TJAP1: variants seen among roughly 807,000 people sequenced by gnomAD.
The protein encoded by TJAP1 is tight junction associated protein 1, also known as tight junction-associated protein 1.
TJAP1 carries 27 observed loss-of-function variants against 42.0 expected under a neutral mutation model. The ratio of observed to expected loss-of-function variants is 0.64; its 90% confidence interval spans 0.47 to 0.89. The LOEUF is 0.89. TJAP1 is among the 40% of genes least tolerant of loss of function. TJAP1 has a pLI of 0.00. For synonymous variants in TJAP1, 257 were observed against 288.4 expected, an observed-to-expected ratio of 0.89 and a Z score of 1.10; for missense variants, 712 against 726.9, an observed-to-expected ratio of 0.98 and a Z score of 0.24.
Position 43,495,099 on chromosome 6 carries a change from TTGGGAA to T in TJAP1, c.-121-2781_-121-2776del, listed in dbSNP as rs1417943264. Among the ~76,000 whole-genome samples, 1 of 152,214 alleles carries T rather than the reference TTGGGAA, an allele frequency of 6.6e-6. No homozygotes were observed. Among genetic ancestry groups the T allele is most frequent in the African/African-American group, 2.4e-5 (1 of 41,452 alleles). On this transcript the variant is annotated intron_variant, in intron 2 of 10. Transcript: ENST00000372449. The surrounding 1 kb of genome is among the most constrained non-coding windows in gnomAD (Gnocchi z 4.6). ...TTGGGCTGAAACACTCCAAGGCAACTTGGGAAACCTTTGGGTGAAGGAGATGTGGCC... is the reference window on the plus strand; with the variant it reads ...TTGGGCTGAAACACTCCAAGGCAACTACCTTTGGGTGAAGGAGATGTGGCC...
At position 43,501,927 on chromosome 6, in the gene TJAP1, ACTCTCTCTCTCTCT is replaced by A. The variant is rs201624955; in HGVS notation, c.290+256_290+269del. On this transcript the variant is annotated intron_variant, in intron 6 of 10. Transcript: ENST00000372449. ...CACACACACACACACACACACACACACTCTCTCTCTCTCTCTCTCTCTCTCTCTCCTTTCATAGG... is the reference window on the plus strand; with the variant it reads ...CACACACACACACACACACACACACACTCTCTCTCTCTCTCCTTTCATAGG... Among the ~76,000 whole-genome samples the A allele has an allele frequency of 6.7e-3, 483 of 71,606 alleles. 15 individuals carry two copies. In the East Asian group the frequency reaches 0.13, roughly 20 times the overall value. 47.0% of individuals were successfully genotyped at this position (71,606 alleles called of 152,430 possible). A position where few individuals can be genotyped will look rare whatever the true frequency, so the allele number is the denominator to read the frequency against.
At chr6:43,501,812 G>A in intron 6 of TJAP1, 125 bp downstream of exon 6, 1 of 593,904 alleles carries the variant, frequency 1.7e-6, no homozygotes, top group Non-Finnish European at 3.1e-6. Context: ...TTCATAGGAG[G>A]TTAGCTGGAA....
chr6:43,488,996 G>A (rs77114091), intron 2 of TJAP1, among the ~76,000 whole-genome samples: 1 of 152,158 alleles, frequency 6.6e-6, no homozygotes, highest in Non-Finnish European at 1.5e-5. Flanking sequence ...TCATCAGAGA[G>A]CCTGCAGGGC....
intron 2 of TJAP1, among the ~76,000 whole-genome samples, chr6:43,482,123 G>A (rs146041554): frequency 1.3e-5 from 2 of 152,268 alleles, no homozygotes; most frequent in East Asian, 1.9e-4. Context: ...CTTGCATTGC[G>A]TGGCAGTCAG....
At chr6:43,502,871 G>A (rs1478983205) in intron 8 of TJAP1, 1 of 578,196 alleles carries the variant, frequency 1.7e-6, no homozygotes, top group Non-Finnish European at 3.1e-6. Context: ...CTTGGCTCCA[G>A]TGGCAGCAAG....
chr6:43,498,892 G>A (rs1455043889), intron 3 of TJAP1, 86 bp from the exon 4 acceptor site: 1 of 1,435,230 alleles, frequency 7.0e-7, no homozygotes, highest in East Asian at 2.5e-5. Context: ...CTCAACATAT[G>A]TCCCCTTTCA....
intron 5 of TJAP1, 97 bp downstream of exon 5, chr6:43,500,869 G>T (rs532752790): frequency 3.4e-6 from 5 of 1,462,960 alleles, no homozygotes; most frequent in Non-Finnish European, 4.8e-6. Flanking sequence ...CCTTGGATTA[G>T]GTAGAAATAA....
chr6:43,501,396 C>G (rs143255912), intron 5 of TJAP1, 130 bp from the exon 6 acceptor site: 1 of 798,094 alleles, frequency 1.3e-6, no homozygotes, highest in South Asian at 1.7e-5. Context: ...GACTAAGACT[C>G]CAGGAGTTTC....
intron 4 of TJAP1, among the ~76,000 whole-genome samples, chr6:43,500,352 T>C (rs1790245617): frequency 6.6e-6 from 1 of 152,148 alleles, no homozygotes; most frequent in African/African-American, 2.4e-5. Context: ...TCAGAACTCG[T>C]GTGTATAGTT....
rs141586370 is a variant in TJAP1 at position 43,505,531 on chromosome 6, C to T, written c.1350C>T (p.Pro450=). Residue 450 remains proline, a synonymous_variant, in exon 11 of 11, where the codon CCC becomes CCT. Coordinates refer to ENST00000372449, the Ensembl canonical transcript of TJAP1. This position sits in a 1 kb window ranked among gnomAD's most constrained non-coding sequence, Gnocchi z 5.5. ...TGCAGCGCCATTTTGCCCATAGCCC[C>T]GCTGACAGAGATGAGGTGGTCCAGG... 488 of 1,613,932 alleles carry T rather than the reference C, an allele frequency of 3.0e-4. 2 individuals carry two copies. The East Asian group carries it at 9.5e-3, about 31-fold the overall frequency.
In TJAP1 at chr6:43,505,058, T is replaced by A. The variant is rs1181001989; in HGVS notation, c.877T>A (p.Ser293Thr). 3 of 1,613,882 alleles carry A rather than the reference T, an allele frequency of 1.9e-6. No homozygotes were observed. Among genetic ancestry groups the A allele is most frequent in the African/African-American group, 1.3e-5 (1 of 74,870 alleles). The change falls in exon 11 of 11, where the codon TCT (serine) becomes ACT (threonine). Residue 293 changes from serine (S) to threonine (T), a missense_variant. By Grantham distance (58) the Ser-to-Thr change is moderately conservative. Coordinates refer to ENST00000372449, the Ensembl canonical transcript of TJAP1. The surrounding 1 kb of genome is among the most constrained non-coding windows in gnomAD (Gnocchi z 5.5). ...CCCACAACCCAATGGGGAGTGCCAC[T>A]CTCTGGGTACTGCCAGGGGCTCCCC...
intron 10 of TJAP1, 138 bp from the exon 11 acceptor site, chr6:43,504,623 G>T: frequency 4.6e-6 from 5 of 1,097,934 alleles, no homozygotes; most frequent in Non-Finnish European, 6.6e-6. Context: ...ATACACACTG[G>T]CATGCTGTAA....
intron 2 of TJAP1, among the ~76,000 whole-genome samples, chr6:43,494,879 G>A (rs1007450480): frequency 4.6e-5 from 7 of 152,158 alleles, no homozygotes; most frequent in Non-Finnish European, 2.9e-5. Flanking sequence ...GGCCAGCTCT[G>A]TTGATTTCCT....
rs954919365 is a variant in TJAP1 at position 43,495,216 on chromosome 6, G to A, written c.-121-2665G>A. On this transcript the variant is annotated intron_variant, in intron 2 of 10. Coordinates refer to ENST00000372449, the Ensembl canonical transcript of TJAP1. This position sits in a 1 kb window ranked among gnomAD's most constrained non-coding sequence, Gnocchi z 4.6. The stretch of plus-strand genomic sequence containing the variant: ...TCACCCCTTTACCTTCTCCCAGCTT[G>A]CAGGCCAAGTGTCCCGATGCTTCTC... 6.6e-6 allele frequency among the ~76,000 whole-genome samples: 1 copy of A among 152,236 alleles called. No homozygotes were observed. Among genetic ancestry groups the A allele is most frequent in the African/African-American group, 2.4e-5 (1 of 41,460 alleles).
chr6:43,506,500 A>G (rs1447655672), exon 11 of TJAP1: 7 of 152,114 alleles, frequency 4.6e-5, no homozygotes, highest in Non-Finnish European at 1.5e-5. Flanking sequence ...TTAAGCTTTG[A>G]GAAATTTTCA....
intron 2 of TJAP1, among the ~76,000 whole-genome samples, chr6:43,485,162 A>T (rs949345845): frequency 3.0e-4 from 45 of 152,216 alleles, no homozygotes; most frequent in African/African-American, 1.1e-3. Context: ...CTCACAGTGG[A>T]TGACTGGATG....
chr6:43,503,721 C>T lies in TJAP1; in HGVS notation c.579+15C>T. The T allele has an allele frequency of 1.2e-6, 2 of 1,611,266 alleles. No homozygotes were observed. Among genetic ancestry groups the T allele is most frequent in the Non-Finnish European group, 1.7e-6 (2 of 1,177,406 alleles). ...AGTTTGCCGATGTGAGTAGAACTCA[C>T]CCCCTCCCTGCCCACATAGACCATT... is the stretch of plus-strand genomic sequence containing the variant. On this transcript the variant is annotated intron_variant, in intron 10 of 10. Transcript: ENST00000372449.
At chr6:43,501,243 T>C (rs112043842) in intron 5 of TJAP1, 5,059 of 437,012 alleles carry the variant, frequency 0.012, 192 homozygotes, top group African/African-American at 0.086. Flanking sequence ...GCCATATCCC[T>C]ACCCCCAATT....
Position 43,505,910 on chromosome 6 carries a change from A to G in TJAP1, c.*55A>G. ...CACCAGGACTGCAAGGAGTCCCCAC[A>G]CCTTGGCAGCTCAGGGTCCCCAGTC... is the stretch of plus-strand genomic sequence containing the variant. On this transcript the variant is annotated 3_prime_UTR_variant, in exon 11 of 11. Transcript: ENST00000372449. The surrounding 1 kb of genome is among the most constrained non-coding windows in gnomAD (Gnocchi z 5.5). The G allele has an allele frequency of 7.1e-7, 1 of 1,417,492 alleles. No homozygotes were observed. Among genetic ancestry groups the G allele is most frequent in the Non-Finnish European group, 9.2e-7 (1 of 1,088,974 alleles). The allele number at this position is 1,417,492 out of a possible 1,614,324, so 87.8% of individuals were successfully genotyped here. A position where few individuals can be genotyped will look rare whatever the true frequency, so the allele number is the denominator to read the frequency against.
Sources: gnomAD v4.1 joint callset for allele counts (sites outside exome capture counted in the v4.1 genomes callset) on GRCh38, gnomAD v4.1.1 for gene constraint, Gnocchi (gnomAD v3.1) non-coding constraint, MANE v1.5 for transcripts, NCBI Gene and HGNC (gene_info 2026-07-23, HGNC 2026-07-21) for gene names.